IARS1: variants seen among roughly 807,000 people sequenced by gnomAD.
IARS1 encodes the protein isoleucine--tRNA ligase, cytoplasmic.
A neutral mutation model predicts 168.2 loss-of-function variants in IARS1; 124 were observed. The ratio of observed to expected loss-of-function variants is 0.74; its 90% CI spans 0.64 to 0.86. The LOEUF (loss-of-function observed/expected upper bound fraction) is 0.86. Ranked by LOEUF, IARS1 falls within the 40% of genes least tolerant of loss-of-function variation. The probability of loss-of-function intolerance (pLI) is 0.00; values close to 1 mark genes in which losing one functional copy is unlikely to be tolerated. For synonymous variants in IARS1, 532 were observed against 529.4 expected (o/e 1.00, Z -0.07); for missense variants, 1,452 against 1,515.8 (o/e 0.96, Z 0.70).
intron 9 of IARS1, among the ~76,000 whole-genome samples, chr9:92,277,571 G>C (rs961559304): frequency 6.6e-6 from 1 of 151,886 alleles, no homozygotes; most frequent in Non-Finnish European, 1.5e-5. Flanking sequence ...CCAGCTACTC[G>C]GGATGGGGCA....
Position 92,276,475 on chromosome 9 carries a change from A to G in IARS1, c.894+1388T>C, listed in dbSNP as rs367755047. On this transcript the variant is annotated intron_variant, in intron 9 of 33. Transcript: ENST00000443024. ...GGGAGGAATGGGATGAGGGCAGAACATATGGAAATCCACTGGGCAGCAACG... is the reference window on the plus strand; with the variant it reads ...GGGAGGAATGGGATGAGGGCAGAACGTATGGAAATCCACTGGGCAGCAACG... Among the ~76,000 whole-genome samples, 17 of 152,340 alleles carry G rather than the reference A, an allele frequency of 1.1e-4. No individual in the cohort carries two copies. In the South Asian group the frequency reaches 3.3e-3, roughly 30 times the overall value.
At chr9:92,211,859 G>C (rs562721430) in intron 33 of IARS1, among the ~76,000 whole-genome samples, 2 of 152,122 alleles carry the variant, frequency 1.3e-5, no homozygotes, top group South Asian at 2.1e-4. Context: ...ATTTACCAAA[G>C]ACAAAGGATC....
At chr9:92,225,067 C>G (rs1011294496) in intron 31 of IARS1, among the ~76,000 whole-genome samples, 1 of 152,176 alleles carries the variant, frequency 6.6e-6, no homozygotes, top group African/African-American at 2.4e-5. Context: ...GCTTTCGATA[C>G]AGTGTTATTG....
chr9:92,279,171 T>C (rs1834167207), intron 7 of IARS1, among the ~76,000 whole-genome samples: 1 of 152,378 alleles, frequency 6.6e-6, no homozygotes. Flanking sequence ...TGGGTCATTG[T>C]AAAAGCCTTT....
intron 6 of IARS1, 145 bp from the exon 7 acceptor site, chr9:92,281,038 C>A: frequency 4.3e-6 from 2 of 467,930 alleles, no homozygotes; most frequent in South Asian, 5.7e-5. Flanking sequence ...CAGAAAATAG[C>A]AAGAAATTCC....
At chr9:92,229,291 A>G (rs1826262153) in intron 30 of IARS1, among the ~76,000 whole-genome samples, 165 bp from the exon 31 acceptor site, 1 of 151,918 alleles carries the variant, frequency 6.6e-6, no homozygotes, top group South Asian at 2.1e-4. Context: ...ATATACATAT[A>G]AAAGCATACC....
At chr9:92,237,565 A>G (rs1421788399) in intron 30 of IARS1, among the ~76,000 whole-genome samples, 1 of 152,164 alleles carries the variant, frequency 6.6e-6, no homozygotes, top group Non-Finnish European at 1.5e-5. Context: ...GAAGTCTCCA[A>G]CTATAGTTGT....
chr9:92,291,482 T>C (rs1257335613), intron 1 of IARS1, among the ~76,000 whole-genome samples: 1 of 152,238 alleles, frequency 6.6e-6, no homozygotes, highest in Non-Finnish European at 1.5e-5. Context: ...TGTGAGTGCC[T>C]CTGAGTTTAA....
intron 14 of IARS1, among the ~76,000 whole-genome samples, chr9:92,267,107 A>G (rs1832392955): frequency 6.6e-6 from 1 of 152,174 alleles, no homozygotes; most frequent in South Asian, 2.1e-4. Context: ...CGATTAAAGC[A>G]ATCAGACAAA....
At chr9:92,257,752 T>A (rs1152757) in intron 19 of IARS1, among the ~76,000 whole-genome samples, 88,840 of 152,090 alleles carry the variant, frequency 0.58, 28,522 homozygotes, top group African/African-American at 0.86. Flanking sequence ...AGCTTTTTCA[T>A]CTGCTCAAGC....
At chr9:92,271,764 A>C in intron 10 of IARS1, 109 bp from the exon 11 acceptor site, 1 of 1,225,398 alleles carries the variant, frequency 8.2e-7, no homozygotes, top group Non-Finnish European at 1.2e-6. Context: ...TATACATTTC[A>C]TCAACTTTGT....
rs1441695926 is a variant in IARS1, at chr9:92,253,515, G to C, written c.2138-62C>G. ...TTACCAGGCATCTGGGGTGGGGAGAGGGTTGGATACAACAAAGAAGGGGCA... is the reference window on the plus strand; with the variant it reads ...TTACCAGGCATCTGGGGTGGGGAGACGGTTGGATACAACAAAGAAGGGGCA... On this transcript the variant is annotated intron_variant, in intron 20 of 33. Transcript: ENST00000443024. The C allele has an allele frequency of 6.6e-6, 7 of 1,062,174 alleles. No individual in the cohort carries two copies. In the African/African-American group the frequency reaches 9.4e-5, roughly 14 times the overall value. 65.8% of individuals were successfully genotyped at this position (1,062,174 alleles called of 1,614,324 possible). A position where few individuals can be genotyped will look rare whatever the true frequency, so the allele number is the denominator to read the frequency against.
intron 17 of IARS1, among the ~76,000 whole-genome samples, chr9:92,261,992 C>T (rs191748099): frequency 5.3e-4 from 81 of 151,788 alleles, no homozygotes; most frequent in African/African-American, 1.7e-3. Context: ...TCAGGAGATC[C>T]GCCCACCATG....
Position 92,253,389 on chromosome 9 carries a change from A to C in IARS1, c.2202T>G (p.Tyr734Ter). 1 of 1,613,402 alleles carries C rather than the reference A, an allele frequency of 6.2e-7. No homozygotes were observed. The highest frequency in any genetic ancestry group is 8.5e-7 in the Non-Finnish European group (1 of 1,179,342). The change falls in exon 21 of 34, where the codon TAT becomes TAG. Residue 734 changes from tyrosine to a stop codon, truncating the protein, a stop_gained. Coordinates refer to ENST00000443024, the MANE Select transcript of IARS1 (RefSeq NM_002161.6). LOFTEE classifies it high-confidence loss of function. ...TTAATCTTCTGCGGTTCATTCTAAC[A>C]TACCAATTGGTCAGAATATCTACAA... ...VKFVDILTNW[Y>*]VRMNRRRLKG...
At chr9:92,238,201 G>C (rs576478159) in intron 30 of IARS1, among the ~76,000 whole-genome samples, 1 of 152,260 alleles carries the variant, frequency 6.6e-6, no homozygotes, top group African/African-American at 2.4e-5. Context: ...ACTGTGCCTG[G>C]CATATTTGTT....
intron 7 of IARS1, among the ~76,000 whole-genome samples, chr9:92,279,738 A>G (rs766079486): frequency 2.6e-5 from 4 of 152,206 alleles, no homozygotes; most frequent in African/African-American, 7.2e-5. Flanking sequence ...ACCATTATCA[A>G]TACCCTAAAC....
intron 30 of IARS1, among the ~76,000 whole-genome samples, chr9:92,238,785 T>G (rs889960191): frequency 6.6e-6 from 1 of 152,250 alleles, no homozygotes; most frequent in African/African-American, 2.4e-5. Flanking sequence ...TAAGGTCCAC[T>G]GGTGTCAATA....
At chr9:92,240,466 G>T in intron 30 of IARS1, 1 of 543,136 alleles carries the variant, frequency 1.8e-6, no homozygotes. Flanking sequence ...GTTTCACCAT[G>T]TTTATCAGGT....
chr9:92,269,755 G>A (rs1304591920), intron 13 of IARS1, 130 bp downstream of exon 13: 2 of 603,982 alleles, frequency 3.3e-6, no homozygotes, highest in South Asian at 2.0e-5. Flanking sequence ...TAAACACACA[G>A]AAGAAAAGAT....
Sources: allele counts gnomAD v4.1 joint callset (sites outside exome capture counted in the v4.1 genomes callset), GRCh38; gene constraint gnomAD v4.1.1; transcripts MANE v1.5; gene names NCBI Gene and HGNC (gene_info 2026-07-23, HGNC 2026-07-21).